INSL6: variants seen among roughly 807,000 people sequenced by gnomAD.
INSL6 encodes insulin like 6.
In INSL6, 16 loss-of-function variants were observed where a neutral mutation model predicts 9.4. The observed-to-expected ratio is 1.70, with a 90% confidence interval of 1.15 to 2.59. INSL6 has a LOEUF of 2.59. INSL6 is among the 30% of genes most tolerant of loss of function. The pLI, the probability that INSL6 is intolerant of heterozygous loss-of-function variation, is 0.00. For synonymous variants in INSL6, 154 were observed against 96.9 expected (o/e 1.59, Z -3.46); for missense variants, 391 against 257.3 (o/e 1.52, Z -3.56).
At chr9:5,177,095 A>T (rs184726075) in intron 1 of INSL6, among the ~76,000 whole-genome samples, 1 of 152,280 alleles carries the variant, frequency 6.6e-6, no homozygotes, top group East Asian at 1.9e-4. Context: ...TGGGTGCACA[A>T]GATGGCCAAT....
chr9:5,103,668 T>G, the INSL6 span, among the ~76,000 whole-genome samples: 3 of 151,912 alleles, frequency 2.0e-5, no homozygotes, highest in East Asian at 5.8e-4. Flanking sequence ...CACATAGAAG[T>G]AAAGCACTTC....
the INSL6 span, chr9:5,055,712 G>C: frequency 6.3e-7 from 1 of 1,593,578 alleles, no homozygotes; most frequent in Non-Finnish European, 8.6e-7. Context: ...ATTGATGTCA[G>C]TATTAAGCAA....
chr9:5,110,750 C>T, the INSL6 span: 5 of 375,684 alleles, frequency 1.3e-5, no homozygotes, highest in South Asian at 1.1e-4. Flanking sequence ...ATTTTCTTTG[C>T]TCTGCGGACT....
chr9:5,055,575 A>AG, the INSL6 span: 1 of 998,116 alleles, frequency 1.0e-6, no homozygotes, highest in African/African-American at 1.6e-5. Context: ...TTTTATTTTA[A>AG]AGAATTTGGA....
the INSL6 span, among the ~76,000 whole-genome samples, chr9:5,039,650 G>C: frequency 6.6e-6 from 1 of 152,010 alleles, no homozygotes; most frequent in African/African-American, 2.4e-5. Context: ...TTGCAGAATA[G>C]AAGATCAATA....
intron 2 of INSL6, among the ~76,000 whole-genome samples, chr9:5,138,447 C>T (rs188480715): frequency 9.2e-5 from 14 of 152,270 alleles, no homozygotes; most frequent in African/African-American, 3.4e-4. Context: ...ACAGATGAAG[C>T]TAGAAACCAT....
chr9:4,995,128 A>G, the INSL6 span, among the ~76,000 whole-genome samples: 1 of 152,324 alleles, frequency 6.6e-6, no homozygotes, highest in South Asian at 2.1e-4. Flanking sequence ...TTGAGACGTG[A>G]AAAATAGAAT....
chr9:5,144,283 T>C (rs1824556442), intron 2 of INSL6, among the ~76,000 whole-genome samples: 1 of 152,240 alleles, frequency 6.6e-6, no homozygotes, highest in Non-Finnish European at 1.5e-5. Flanking sequence ...CAGGAGCAGG[T>C]TATTCAATTT....
the INSL6 span, chr9:5,044,359 T>C: frequency 8.2e-7 from 1 of 1,217,658 alleles, no homozygotes; most frequent in Non-Finnish European, 1.2e-6. Context: ...ACGTTTGTAT[T>C]TGAACTATTT....
chr9:5,181,668 T>C (rs918217844), intron 1 of INSL6, among the ~76,000 whole-genome samples: 10 of 152,214 alleles, frequency 6.6e-5, no homozygotes, highest in Non-Finnish European at 1.2e-4. Flanking sequence ...GATGTCAAAA[T>C]GGGAGAACAT....
the INSL6 span, chr9:5,054,786 T>C: frequency 6.2e-7 from 1 of 1,612,814 alleles, no homozygotes. The surrounding 1 kb of genome is among the most constrained non-coding windows in gnomAD (Gnocchi z 4.9). Context: ...AAGTGGTCCT[T>C]CAGGTGAGGA....
chr9:5,120,043 A>G (rs2130842200), downstream of INSL6, among the ~76,000 whole-genome samples: 1 of 152,354 alleles, frequency 6.6e-6, no homozygotes, highest in East Asian at 1.9e-4. Flanking sequence ...TATAAAGAAC[A>G]GAAATTTATT....
the INSL6 span, among the ~76,000 whole-genome samples, chr9:5,040,622 A>G: frequency 3.4e-3 from 512 of 152,386 alleles, 2 homozygotes; most frequent in African/African-American, 0.012. Flanking sequence ...CAACAAGACA[A>G]TGACAACTTA....
At chr9:5,150,203 T>C (rs977685775) in intron 2 of INSL6, among the ~76,000 whole-genome samples, 5 of 152,184 alleles carry the variant, frequency 3.3e-5, no homozygotes, top group African/African-American at 1.2e-4. Context: ...AATTCATGAC[T>C]AAGTCCTTGA....
intron 1 of INSL6, among the ~76,000 whole-genome samples, chr9:5,166,086 T>A (rs368084713): frequency 1.3e-5 from 2 of 152,222 alleles, no homozygotes; most frequent in Non-Finnish European, 2.9e-5. Context: ...GAGAAAAAGA[T>A]GAGTTAGTGA....
At chr9:5,131,732 G>T (rs1034297007) in intron 3 of INSL6, among the ~76,000 whole-genome samples, 4 of 152,118 alleles carry the variant, frequency 2.6e-5, no homozygotes, top group Non-Finnish European at 5.9e-5. Context: ...GAGGCACTGC[G>T]CCCGGCCCAG....
At chr9:5,048,571 T>C in the INSL6 span, among the ~76,000 whole-genome samples, 5 of 152,174 alleles carry the variant, frequency 3.3e-5, no homozygotes, top group African/African-American at 1.2e-4. Context: ...GTGTTTAAAA[T>C]TGAGCAAAAA....
intron 2 of INSL6, among the ~76,000 whole-genome samples, chr9:5,158,074 CT>C (rs1327189168): frequency 1.3e-5 from 2 of 152,022 alleles, no homozygotes; most frequent in African/African-American, 4.8e-5. Flanking sequence ...GCATCAGTCT[CT>C]TAATAGCAGA....
At chr9:5,097,833 A>G in the INSL6 span, 1 of 152,204 alleles carries the variant, frequency 6.6e-6, no homozygotes, top group Non-Finnish European at 1.5e-5. Flanking sequence ...CCATCATAGG[A>G]GGCTTTACCA....
Sources: gnomAD v4.1 joint callset for allele counts (sites outside exome capture counted in the v4.1 genomes callset) on GRCh38, gnomAD v4.1.1 for gene constraint, Gnocchi (gnomAD v3.1) non-coding constraint, MANE v1.5 for transcripts, NCBI Gene and HGNC (gene_info 2026-07-23, HGNC 2026-07-21) for gene names.